Variants in MRPL48 observed in about 807,000 individuals in gnomAD.
The protein encoded by MRPL48 is large ribosomal subunit protein mL48.
Under a neutral mutation model 32.9 loss-of-function variants are expected in MRPL48, and 16 were observed. That is an observed-to-expected ratio of 0.49 (90% CI 0.33 to 0.74). The LOEUF is 0.74. MRPL48 is among the 30% of genes least tolerant of loss of function. MRPL48 has a pLI of 0.02. For missense variants in MRPL48, 206 were observed against 245.3 expected (o/e 0.84, Z 1.07); for synonymous variants, 94 against 89.2 (o/e 1.05, Z -0.31).
chr11:73,850,288 A>T (rs766564297), intron 5 of MRPL48, among the ~76,000 whole-genome samples: 4 of 151,806 alleles, frequency 2.6e-5, no homozygotes, highest in Non-Finnish European at 5.9e-5. Context: ...TGATTACTCC[A>T]TAATTATCAG....
At chr11:73,850,311 T>C (rs1948365719) in intron 5 of MRPL48, among the ~76,000 whole-genome samples, 1 of 152,098 alleles carries the variant, frequency 6.6e-6, no homozygotes, top group Non-Finnish European at 1.5e-5. Flanking sequence ...TTATTTATAC[T>C]TGAGGTCTTG....
rs1053274489 is a variant in MRPL48 at position 73,793,629 on chromosome 11, A to T, written c.21+5637A>T. 2.0e-5 allele frequency among the ~76,000 whole-genome samples: 3 copies of T among 152,270 alleles called. No homozygotes were observed. The South Asian group carries it at 6.2e-4, about 32-fold the overall frequency. On this transcript the variant is annotated intron_variant, in intron 1 of 7. Transcript: ENST00000310614. ...AATGAGAACACACTTGGAGTTCCAG[A>T]GGAACTCCTAGAGGAAGTTGGGAGG...
At chr11:73,849,131 T>A (rs2135063510) in intron 5 of MRPL48, among the ~76,000 whole-genome samples, 1 of 151,740 alleles carries the variant, frequency 6.6e-6, no homozygotes, top group East Asian at 1.9e-4. Context: ...CCCTTTTTAA[T>A]TCTTTTTGTT....
chr11:73,811,132 G>A (rs1357732979), intron 3 of MRPL48, among the ~76,000 whole-genome samples: 1 of 152,190 alleles, frequency 6.6e-6, no homozygotes, highest in Non-Finnish European at 1.5e-5. Context: ...GCAGGCAAGA[G>A]GAGAGCGTTT....
chr11:73,838,925 C>T (rs182711791), intron 4 of MRPL48, among the ~76,000 whole-genome samples: 1 of 152,184 alleles, frequency 6.6e-6, no homozygotes, highest in African/African-American at 2.4e-5. Flanking sequence ...AGATGAAGAA[C>T]CAGGACAAAA....
chr11:73,803,550 C>G (rs1168639436), intron 1 of MRPL48, among the ~76,000 whole-genome samples: 1 of 152,016 alleles, frequency 6.6e-6, no homozygotes, highest in Admixed American at 6.6e-5. Context: ...AGATCCCATT[C>G]AGGATATTAT....
At chr11:73,839,020 G>A (rs1590983925) in intron 4 of MRPL48, among the ~76,000 whole-genome samples, 1 of 152,186 alleles carries the variant, frequency 6.6e-6, no homozygotes, top group Admixed American at 6.5e-5. Context: ...GTGCTAGATA[G>A]GAGGAATATA....
At chr11:73,808,636 GT>G (rs1447677234) in intron 3 of MRPL48, among the ~76,000 whole-genome samples, 1 of 151,876 alleles carries the variant, frequency 6.6e-6, no homozygotes, top group African/African-American at 2.4e-5. Context: ...TGAGCAGGCT[GT>G]GAGGCCGGGT....
chr11:73,845,008 T>C (rs769818799), intron 5 of MRPL48, 32 bp downstream of exon 5: 11 of 1,588,414 alleles, frequency 6.9e-6, no homozygotes, highest in Non-Finnish European at 8.6e-6. Flanking sequence ...GGGATGTTCT[T>C]GGTGTGGGTA....
intron 3 of MRPL48, among the ~76,000 whole-genome samples, chr11:73,820,502 G>A (rs1007992291): frequency 6.6e-6 from 1 of 152,120 alleles, no homozygotes; most frequent in Non-Finnish European, 1.5e-5. Context: ...GGGATTTCAG[G>A]TGTGAGCCAC....
intron 3 of MRPL48, among the ~76,000 whole-genome samples, chr11:73,808,968 C>T (rs1172158510): frequency 6.6e-6 from 1 of 151,370 alleles, no homozygotes; most frequent in Non-Finnish European, 1.5e-5. Flanking sequence ...ATGGTGAGAC[C>T]CTGTCTCTAC....
intron 4 of MRPL48, among the ~76,000 whole-genome samples, chr11:73,836,269 G>A (rs1244434157): frequency 1.3e-5 from 2 of 151,760 alleles, no homozygotes; most frequent in Non-Finnish European, 2.9e-5. Context: ...CAGGCGCCTG[G>A]CTGCAACCTC....
chr11:73,824,933 A>G (rs1947855594), intron 3 of MRPL48, among the ~76,000 whole-genome samples: 1 of 152,286 alleles, frequency 6.6e-6, no homozygotes, highest in South Asian at 2.1e-4. Context: ...ATCAAGAAAT[A>G]TCTATGGCTC....
At position 73,808,030 on chromosome 11, in the gene MRPL48, T is replaced by G. The variant is rs17132369; in HGVS notation, c.75-283T>G. 0.095 allele frequency among the ~76,000 whole-genome samples: 14,463 copies of G among 152,248 alleles called. 821 individuals carry two copies. Among genetic ancestry groups the G allele is most frequent in the South Asian group, 0.27 (1,287 of 4,820 alleles). Reference sequence around the variant, plus strand: ...CCTTTGTGTCCTATTTAATTTTGTATGTTTCTGTTCTGGATCAATACTATA... The same window carrying G: ...CCTTTGTGTCCTATTTAATTTTGTAGGTTTCTGTTCTGGATCAATACTATA... On this transcript the variant is annotated intron_variant, in intron 2 of 7. Coordinates refer to ENST00000310614, the MANE Select transcript of MRPL48 (RefSeq NM_016055.6).
At chr11:73,838,008 C>A (rs190572485) in intron 4 of MRPL48, among the ~76,000 whole-genome samples, 1 of 152,084 alleles carries the variant, frequency 6.6e-6, no homozygotes, top group African/African-American at 2.4e-5. Context: ...CCCGCCACCA[C>A]GCCTGGCTAA....
intron 4 of MRPL48, among the ~76,000 whole-genome samples, chr11:73,833,616 C>G (rs993894718): frequency 6.6e-6 from 1 of 152,046 alleles, no homozygotes; most frequent in African/African-American, 2.4e-5. Flanking sequence ...TTCCTCCTAT[C>G]AGCTTTACTT....
chr11:73,857,721 C>CGTAGCT (rs890653450), intron 5 of MRPL48, among the ~76,000 whole-genome samples: 5 of 150,378 alleles, frequency 3.3e-5, no homozygotes, highest in African/African-American at 1.2e-4. Flanking sequence ...CAGCCTCCTG[C>CGTAGCT]GTAGCTGGGA....
chr11:73,790,530 G>A (rs1482384661), intron 1 of MRPL48, among the ~76,000 whole-genome samples: 7 of 150,714 alleles, frequency 4.6e-5, no homozygotes, highest in African/African-American at 1.7e-4. Flanking sequence ...GGCTACGGGT[G>A]CCCGCCACCA....
chr11:73,812,942 G>T (rs979954696), intron 3 of MRPL48, among the ~76,000 whole-genome samples: 17 of 151,062 alleles, frequency 1.1e-4, no homozygotes, highest in African/African-American at 3.9e-4. Context: ...GTAGAGACAG[G>T]GTTTCACCAT....
Sources: allele counts gnomAD v4.1 joint callset (sites outside exome capture counted in the v4.1 genomes callset), GRCh38; gene constraint gnomAD v4.1.1; transcripts MANE v1.5; gene names NCBI Gene and HGNC (gene_info 2026-07-23, HGNC 2026-07-21).